The following ZNF469 variants were observed in gnomAD, a reference collection of about 807,000 sequenced individuals.
The protein encoded by ZNF469 is zinc finger protein 469.
Under a neutral mutation model 1.0 loss-of-function variants are expected in ZNF469, and 1 was observed. The ratio of observed to expected loss-of-function variants is 1.00; its 90% CI spans 0.35 to 4.73. The LOEUF is 4.73. ZNF469 is among the 30% of genes most tolerant of loss of function. The pLI is 0.16. For missense variants in ZNF469, 6,100 were observed against 5,356.3 expected (o/e 1.14, Z -4.33); for synonymous variants, 2,703 against 2,363.4 (o/e 1.14, Z -4.17).
chr16:88,283,666 G>C, the ZNF469 span, among the ~76,000 whole-genome samples: 1 of 152,244 alleles, frequency 6.6e-6, no homozygotes, highest in Non-Finnish European at 1.5e-5. Flanking sequence ...TGATTCTCTG[G>C]GGTGTGAGGA....
the ZNF469 span, among the ~76,000 whole-genome samples, chr16:88,158,165 CT>C: frequency 1.4e-4 from 21 of 151,916 alleles, no homozygotes; most frequent in African/African-American, 5.1e-4. Flanking sequence ...GGCAAGTCCC[CT>C]GGGGGTGCTG....
the ZNF469 span, among the ~76,000 whole-genome samples, chr16:88,126,968 C>T: frequency 0.038 from 5,721 of 152,180 alleles, 360 homozygotes; most frequent in African/African-American, 0.13. Context: ...TACAGTCACA[C>T]GCCACCACGC....
At chr16:88,129,172 G>A in the ZNF469 span, among the ~76,000 whole-genome samples, 1 of 152,214 alleles carries the variant, frequency 6.6e-6, no homozygotes, top group Non-Finnish European at 1.5e-5. Context: ...GTGAGCTCTG[G>A]GTCAGAGAGG....
the ZNF469 span, among the ~76,000 whole-genome samples, chr16:88,325,212 A>C: frequency 0.11 from 11,195 of 106,516 alleles, 465 homozygotes; most frequent in African/African-American, 0.24. Flanking sequence ...TCGCGACAGC[A>C]GCTGTGACAT....
chr16:88,174,308 A>C, the ZNF469 span, among the ~76,000 whole-genome samples: 2 of 152,234 alleles, frequency 1.3e-5, no homozygotes, highest in Non-Finnish European at 2.9e-5. Context: ...CAAAATCCTA[A>C]ATATGTACAT....
At chr16:88,380,357 T>TCATA (rs2092518119), upstream of ZNF469, among the ~76,000 whole-genome samples, 1 of 67,222 alleles carries the variant, frequency 1.5e-5, no homozygotes, top group Non-Finnish European at 2.9e-5. Context: ...ACACATGCGC[T>TCATA]CACACACAGA....
chr16:88,181,937 T>C, the ZNF469 span, among the ~76,000 whole-genome samples: 1 of 152,228 alleles, frequency 6.6e-6, no homozygotes, highest in Non-Finnish European at 1.5e-5. Flanking sequence ...AAATAAGACA[T>C]AAAATTGCCT....
the ZNF469 span, among the ~76,000 whole-genome samples, chr16:88,296,580 G>A: frequency 7.3e-3 from 1,101 of 151,114 alleles, 13 homozygotes; most frequent in African/African-American, 0.025. Context: ...ACACAGGTGC[G>A]CATATGCACA....
At chr16:88,328,786 CCA>C in the ZNF469 span, among the ~76,000 whole-genome samples, 1 of 152,156 alleles carries the variant, frequency 6.6e-6, no homozygotes, top group Non-Finnish European at 1.5e-5. Flanking sequence ...GGGCTGCTTC[CCA>C]CACAGTGAGC....
chr16:88,177,895 G>C, the ZNF469 span: 8 of 152,136 alleles, frequency 5.3e-5, no homozygotes, highest in Admixed American at 5.2e-4. The surrounding 1 kb of genome is among the most constrained non-coding windows in gnomAD (Gnocchi z 4.8). Flanking sequence ...ATTTTTAATA[G>C]AGACGGGATT....
chr16:88,201,712 G>C, the ZNF469 span, among the ~76,000 whole-genome samples: 1 of 152,348 alleles, frequency 6.6e-6, no homozygotes, highest in South Asian at 2.1e-4. The surrounding 1 kb of genome is among the most constrained non-coding windows in gnomAD (Gnocchi z 5.0). Flanking sequence ...GGGTGTCCCT[G>C]CAACTCCATC....
the ZNF469 span, among the ~76,000 whole-genome samples, chr16:88,129,974 G>C: frequency 6.6e-6 from 1 of 152,242 alleles, no homozygotes; most frequent in Admixed American, 6.5e-5. Context: ...TTCAGACTCA[G>C]CTTTTCTTGC....
the ZNF469 span, among the ~76,000 whole-genome samples, chr16:88,227,475 T>C: frequency 1.3e-5 from 2 of 150,626 alleles, no homozygotes; most frequent in African/African-American, 4.9e-5. Flanking sequence ...TGTCTCCCCA[T>C]CTCCCTGTCT....
the ZNF469 span, among the ~76,000 whole-genome samples, chr16:88,239,694 TATATATATATATATATATATA>T: frequency 0.081 from 554 of 6,848 alleles, 18 homozygotes; most frequent in Non-Finnish European, 0.1. Flanking sequence ...TATATATATA[TATATATATATATATATATATA>T]TTTTTTTTTT....
chr16:88,417,916 G>A (rs1905348278), intron 1 of ZNF469, among the ~76,000 whole-genome samples: 2 of 152,238 alleles, frequency 1.3e-5, no homozygotes, highest in South Asian at 2.1e-4. Context: ...GTGCATGGAT[G>A]AGCATGCATA....
At chr16:88,176,986 G>A in the ZNF469 span, among the ~76,000 whole-genome samples, 4 of 152,260 alleles carry the variant, frequency 2.6e-5, no homozygotes, top group Non-Finnish European at 4.4e-5. Context: ...AGCCTCATCC[G>A]GGAATGGGAT....
chr16:88,225,119 G>A, the ZNF469 span, among the ~76,000 whole-genome samples: 40 of 152,340 alleles, frequency 2.6e-4, no homozygotes, highest in South Asian at 5.0e-3. Context: ...GGGATCACCC[G>A]ACCCTCTCAG....
the ZNF469 span, among the ~76,000 whole-genome samples, chr16:88,320,526 GGC>G: frequency 6.6e-6 from 1 of 152,164 alleles, no homozygotes. Flanking sequence ...CCGGATTACA[GGC>G]GCCCACCACC....
At chr16:88,159,785 G>A in the ZNF469 span, among the ~76,000 whole-genome samples, 1 of 152,308 alleles carries the variant, frequency 6.6e-6, no homozygotes, top group South Asian at 2.1e-4. Flanking sequence ...CACATGGGCA[G>A]CCATCTCTGT....
Sources: allele counts gnomAD v4.1 joint callset (sites outside exome capture counted in the v4.1 genomes callset), GRCh38; gene constraint gnomAD v4.1.1; non-coding constraint Gnocchi (gnomAD v3.1); transcripts MANE v1.5; gene names NCBI Gene and HGNC (gene_info 2026-07-23, HGNC 2026-07-21).